Variants in INTS14 observed in about 807,000 individuals in gnomAD.
The protein encoded by INTS14 is UPF0464 protein C15orf44.
In INTS14, 27 loss-of-function variants were observed where a neutral mutation model predicts 56.9. That is an observed-to-expected ratio of 0.47 (90% CI 0.35 to 0.65). The LOEUF (loss-of-function observed/expected upper bound fraction) is 0.65. INTS14 is among the 30% of genes least tolerant of loss of function. The pLI, the probability that INTS14 is intolerant of heterozygous loss-of-function variation, is 0.00. For synonymous variants in INTS14, 207 were observed against 236.2 expected, an observed-to-expected ratio of 0.88 and a Z score of 1.13; for missense variants, 517 against 632.2, an observed-to-expected ratio of 0.82 and a Z score of 1.95.
chr15:65,585,168 A>T (rs1342298181), intron 9 of INTS14, among the ~76,000 whole-genome samples: 1 of 151,958 alleles, frequency 6.6e-6, no homozygotes, highest in Non-Finnish European at 1.5e-5. Context: ...ACAAATACAT[A>T]TTTAAAAAAT....
Position 65,593,554 on chromosome 15 carries a change from G to T in INTS14, c.860C>A (p.Thr287Asn). 1 of 1,612,594 alleles carries T rather than the reference G, an allele frequency of 6.2e-7. No individual in the cohort carries two copies. Among genetic ancestry groups the T allele is most frequent in the Non-Finnish European group, 8.5e-7 (1 of 1,179,576 alleles). The change falls in exon 8 of 12, where the codon ACT (threonine) becomes AAT (asparagine). Residue 287 changes from threonine (T) to asparagine (N), a missense_variant. Physicochemically the swap from Thr to Asn is moderately conservative, Grantham distance 65 (BLOSUM62 0). Transcript: ENST00000313182. ...ATCTTCATTGTCATCAGTGATGCCA[G>T]TACCCACCTCATCACCTTCTGTGAA... ...ALNKEGDEVG[T>N]GITDDNEDEN... is the part of the protein sequence containing the mutation.
chr15:65,592,718 A>C (rs2073072620), intron 8 of INTS14, among the ~76,000 whole-genome samples: 1 of 152,178 alleles, frequency 6.6e-6, no homozygotes, highest in Non-Finnish European at 1.5e-5. Context: ...GGCACATAAT[A>C]AAATGCTCAA....
intron 10 of INTS14, 58 bp downstream of exon 10, chr15:65,584,712 C>A: frequency 7.1e-7 from 1 of 1,412,576 alleles, no homozygotes; most frequent in East Asian, 2.4e-5. Flanking sequence ...AAAATGCCTG[C>A]CTGCCTACCC....
chr15:65,579,318 G>T lies in INTS14; in HGVS notation c.*90C>A. Reference sequence around the variant, plus strand: ...GCAGCCTCAGGAAGGTCTTTGGGTGGCTATTCTAGAGGTGAACATACTGGA... The same window carrying T: ...GCAGCCTCAGGAAGGTCTTTGGGTGTCTATTCTAGAGGTGAACATACTGGA... On this transcript the variant is annotated 3_prime_UTR_variant, in exon 12 of 12. Transcript: ENST00000313182. The T allele has an allele frequency of 6.6e-7, 1 of 1,521,922 alleles. No homozygotes were observed. The allele number at this position is 1,521,922 out of a possible 1,614,324, so 94.3% of individuals were successfully genotyped here.
At chr15:65,610,590 C>T in intron 1 of INTS14, 1 of 1,373,128 alleles carries the variant, frequency 7.3e-7, no homozygotes. Flanking sequence ...GTTTGTAATT[C>T]TTCCCTGAAG....
chr15:65,588,701 C>T (rs1453242165), intron 9 of INTS14, among the ~76,000 whole-genome samples: 2 of 151,564 alleles, frequency 1.3e-5, no homozygotes, highest in South Asian at 2.1e-4. Context: ...TAAATAAATA[C>T]CAAAAGAAAC....
Position 65,579,421 on chromosome 15 carries a change from G to T in INTS14, c.1544C>A (p.Thr515Asn), listed in dbSNP as rs997205698. Residue 515 changes from threonine (T) to asparagine (N), a missense_variant, in exon 12 of 12, where the codon ACT (threonine) becomes AAT (asparagine). Coordinates refer to ENST00000313182, the MANE Select transcript of INTS14 (RefSeq NM_001394796.1). Reference protein sequence around the residue: ...PLHTDFSGSSTERI With the variant: ...PLHTDFSGSSNERI ...CAAAAGTCAGTTTCAAATTCTTTCA[G>T]TGCTGCTCCCAGAGAAGTCCGTGTG... 1.9e-6 allele frequency: 3 copies of T among 1,611,134 alleles called. No homozygotes were observed. The African/African-American group carries it at 4.0e-5, about 22-fold the overall frequency.
intron 9 of INTS14, chr15:65,586,513 C>CT (rs2072830287): frequency 6.6e-6 from 1 of 152,188 alleles, no homozygotes; most frequent in South Asian, 2.1e-4. Context: ...TTTGTAGACC[C>CT]TTTTATCCCC....
At position 65,579,022 on chromosome 15, in the gene INTS14, G is replaced by C. The variant is rs2072472540; in HGVS notation, c.*386C>G. On this transcript the variant is annotated 3_prime_UTR_variant, in exon 12 of 12. Transcript: ENST00000313182. ...ATTCCATGAACAGAAGCTTGAAAAT[G>C]CCCTTACAGTTGAGATATAAACGAG... 5.8e-6 allele frequency: 1 copy of C among 171,738 alleles called. No homozygotes were observed. Among genetic ancestry groups the C allele is most frequent in the Non-Finnish European group, 1.2e-5 (1 of 80,326 alleles). The allele number at this position is 171,738 out of a possible 1,614,324, so 10.6% of individuals were successfully genotyped here.
At chr15:65,579,764 G>T in intron 11 of INTS14, 105 bp from the exon 12 acceptor site, 1 of 1,442,028 alleles carries the variant, frequency 6.9e-7, no homozygotes, top group Non-Finnish European at 9.2e-7. Flanking sequence ...ACTTTAGGGA[G>T]CAATTTTATA....
At chr15:65,592,763 C>T (rs1010300639) in intron 8 of INTS14, among the ~76,000 whole-genome samples, 4 of 151,872 alleles carry the variant, frequency 2.6e-5, no homozygotes, top group Non-Finnish European at 4.4e-5. Flanking sequence ...TTCGTTCTAT[C>T]CCCTCATTTT....
intron 8 of INTS14, among the ~76,000 whole-genome samples, chr15:65,593,062 G>A (rs1345632538): frequency 1.3e-5 from 2 of 150,840 alleles, no homozygotes; most frequent in Non-Finnish European, 3.0e-5. Context: ...CAAGACCAGT[G>A]TGGGCAACAC....
intron 8 of INTS14, among the ~76,000 whole-genome samples, chr15:65,592,215 T>C (rs78045750): frequency 0.015 from 2,330 of 152,306 alleles, 29 homozygotes; most frequent in Non-Finnish European, 0.026. Flanking sequence ...TACAAGTAGC[T>C]TGGGTGCCAA....
At chr15:65,591,569 G>C (rs1182057329) in intron 9 of INTS14, 29 bp downstream of exon 9, 2 of 1,607,642 alleles carry the variant, frequency 1.2e-6, no homozygotes, top group Non-Finnish European at 1.7e-6. Flanking sequence ...AACAAAGTCA[G>C]GATAAGTAAA....
chr15:65,606,382 CAGTTT>C (rs1172447679), intron 2 of INTS14, among the ~76,000 whole-genome samples: 1 of 151,154 alleles, frequency 6.6e-6, no homozygotes, highest in East Asian at 1.9e-4. Context: ...TAAAACTGTT[CAGTTT>C]AATTCCACAA....
chr15:65,607,525 T>A lies in INTS14; in HGVS notation c.-62-83A>T, dbSNP rs996938947. ...TAACTTTAACTAACTTCTCAGAAAT[T>A]AGCAGAGGCAAACACCATTTAAGTT... On this transcript the variant is annotated intron_variant, in intron 1 of 11. Transcript: ENST00000313182. The A allele has an allele frequency of 3.6e-5, 51 of 1,431,730 alleles. No individual in the cohort carries two copies. In the South Asian group the frequency reaches 7.2e-4, roughly 20 times the overall value. The allele number at this position is 1,431,730 out of a possible 1,614,324, so 88.7% of individuals were successfully genotyped here.
At chr15:65,608,133 TGA>T (rs566614686) in intron 1 of INTS14, among the ~76,000 whole-genome samples, 1 of 152,154 alleles carries the variant, frequency 6.6e-6, no homozygotes, top group Non-Finnish European at 1.5e-5. Flanking sequence ...CCCAACACTT[TGA>T]GAGGCCCAGG....
At chr15:65,585,086 G>C (rs1427522057) in intron 9 of INTS14, among the ~76,000 whole-genome samples, 198 bp from the exon 10 acceptor site, 1 of 152,004 alleles carries the variant, frequency 6.6e-6, no homozygotes, top group Non-Finnish European at 1.5e-5. Flanking sequence ...CCATTTAAGT[G>C]AAAAACAGCT....
Position 65,579,652 on chromosome 15 carries a change from T to G in INTS14, c.1313A>C (p.Asn438Thr). ...GGCTAGAGCGGCCTTTCGCAAACGG[T>G]TCAGCTCCTGAAACAAGACAGAAAA... ...EKTQTFYKEL[N>T]RLRKAALAFG... The change falls in exon 12 of 12, where the codon AAC becomes ACC. Residue 438 changes from asparagine to threonine, a missense_variant. Coordinates refer to ENST00000313182, the MANE Select transcript of INTS14 (RefSeq NM_001394796.1). The G allele has an allele frequency of 6.2e-7, 1 of 1,611,982 alleles. No individual in the cohort carries two copies. Among genetic ancestry groups the G allele is most frequent in the Non-Finnish European group, 8.5e-7 (1 of 1,178,258 alleles).
Sources: gnomAD v4.1 joint callset for allele counts (sites outside exome capture counted in the v4.1 genomes callset) on GRCh38, gnomAD v4.1.1 for gene constraint, MANE v1.5 for transcripts, NCBI Gene and HGNC (gene_info 2026-07-23, HGNC 2026-07-21) for gene names.